TMEM132D: variants seen among roughly 807,000 people sequenced by gnomAD.
TMEM132D encodes the protein transmembrane protein 132D, also known as mature OL transmembrane protein.
In TMEM132D, 21 loss-of-function variants were observed where a neutral mutation model predicts 62.3. The ratio of observed to expected loss-of-function variants is 0.34; its 90% CI spans 0.24 to 0.49. The LOEUF is 0.49. Among genes scored for constraint, TMEM132D ranks in the 20% least tolerant of loss-of-function variants. The pLI, the probability that TMEM132D is intolerant of heterozygous loss-of-function variation, is 0.99. For missense variants in TMEM132D, 1,346 were observed against 1,402.8 expected (o/e 0.96, Z 0.65); for synonymous variants, 621 against 575.6 (o/e 1.08, Z -1.13).
At chr12:129,715,946 G>A (rs529405533) in intron 1 of TMEM132D, among the ~76,000 whole-genome samples, 5 of 152,256 alleles carry the variant, frequency 3.3e-5, no homozygotes, top group East Asian at 1.9e-4. Flanking sequence ...AAGGCCACAC[G>A]CATTGCCACG....
At chr12:129,398,263 C>T (rs1433648260) in intron 3 of TMEM132D, among the ~76,000 whole-genome samples, 1 of 152,186 alleles carries the variant, frequency 6.6e-6, no homozygotes, top group Non-Finnish European at 1.5e-5. Flanking sequence ...CATCATCTTT[C>T]CCTTCCTCTG....
At chr12:129,552,599 A>G (rs753014422) in intron 2 of TMEM132D, among the ~76,000 whole-genome samples, 1 of 149,244 alleles carries the variant, frequency 6.7e-6, no homozygotes, top group African/African-American at 2.5e-5. Context: ...TCTATTTTCT[A>G]TCTATTATTT....
chr12:129,628,577 C>T (rs890720142), intron 2 of TMEM132D, among the ~76,000 whole-genome samples: 1 of 152,196 alleles, frequency 6.6e-6, no homozygotes, highest in African/African-American at 2.4e-5. Flanking sequence ...TTGGGGATTC[C>T]ACAGTAAACC....
chr12:129,758,453 G>A (rs577143673), intron 1 of TMEM132D, among the ~76,000 whole-genome samples: 2 of 152,240 alleles, frequency 1.3e-5, no homozygotes, highest in East Asian at 1.9e-4. Context: ...AATTATTAAT[G>A]TGAACCCTTC....
intron 5 of TMEM132D, among the ~76,000 whole-genome samples, chr12:129,103,175 A>C (rs1181916475): frequency 1.3e-5 from 2 of 152,168 alleles, no homozygotes; most frequent in East Asian, 3.9e-4. Context: ...GGAGGCCTCC[A>C]GGCTGGAGGA....
At chr12:129,157,993 A>G (rs1013881535) in intron 5 of TMEM132D, among the ~76,000 whole-genome samples, 1 of 152,154 alleles carries the variant, frequency 6.6e-6, no homozygotes, top group African/African-American at 2.4e-5. Context: ...ATGAGATGCG[A>G]GATAAAGTAG....
intron 3 of TMEM132D, among the ~76,000 whole-genome samples, chr12:129,362,276 G>A (rs889870395): frequency 3.9e-5 from 6 of 151,908 alleles, no homozygotes; most frequent in African/African-American, 1.4e-4. Flanking sequence ...TATTAATCCT[G>A]GTTAAAGAGA....
chr12:129,335,619 A>G (rs1025108108), intron 4 of TMEM132D, among the ~76,000 whole-genome samples: 1 of 152,172 alleles, frequency 6.6e-6, no homozygotes, highest in Admixed American at 6.6e-5. Context: ...ATGACCAATG[A>G]AAAATGGAAA....
At chr12:129,758,940 T>TA (rs1212238473) in intron 1 of TMEM132D, among the ~76,000 whole-genome samples, 1 of 151,078 alleles carries the variant, frequency 6.6e-6, no homozygotes, top group Non-Finnish European at 1.5e-5. Flanking sequence ...TTCTTTCTTT[T>TA]TTTTTTTTTT....
chr12:129,350,151 T>C (rs1039670962), intron 3 of TMEM132D, among the ~76,000 whole-genome samples: 2 of 152,116 alleles, frequency 1.3e-5, no homozygotes, highest in Non-Finnish European at 2.9e-5. Context: ...CTAATAGACA[T>C]AGATAATTTC....
At chr12:129,617,702 G>T (rs984267012) in intron 2 of TMEM132D, among the ~76,000 whole-genome samples, 18 of 152,064 alleles carry the variant, frequency 1.2e-4, no homozygotes, top group African/African-American at 4.3e-4. Context: ...CCTGCTTCCT[G>T]GTTCATCAAT....
At chr12:129,808,772 G>A (rs1198641058) in intron 1 of TMEM132D, among the ~76,000 whole-genome samples, 1 of 151,372 alleles carries the variant, frequency 6.6e-6, no homozygotes, top group Non-Finnish European at 1.5e-5. Flanking sequence ...AAGGAAGGAA[G>A]CCATAGAGAA....
At chr12:129,808,689 G>C (rs1456936254) in intron 1 of TMEM132D, among the ~76,000 whole-genome samples, 1 of 152,150 alleles carries the variant, frequency 6.6e-6, no homozygotes, top group Admixed American at 6.6e-5. Context: ...CCAAGAAAAA[G>C]TCCAGATATT....
intron 4 of TMEM132D, among the ~76,000 whole-genome samples, chr12:129,221,455 T>C (rs1879343495): frequency 1.3e-5 from 2 of 152,210 alleles, no homozygotes; most frequent in African/African-American, 4.8e-5. Flanking sequence ...ACTCACTCTA[T>C]ACCTAATCAT....
chr12:129,743,822 C>T (rs1359112389), intron 1 of TMEM132D, among the ~76,000 whole-genome samples: 2 of 152,168 alleles, frequency 1.3e-5, no homozygotes, highest in African/African-American at 4.8e-5. Flanking sequence ...ATGATGAAGG[C>T]AGAGCTTGGA....
At chr12:129,772,170 A>AT (rs1402623560) in intron 1 of TMEM132D, among the ~76,000 whole-genome samples, 4 of 152,126 alleles carry the variant, frequency 2.6e-5, no homozygotes, top group African/African-American at 7.2e-5. Context: ...GACCTGTCTC[A>AT]TTTTTTTAAC....
intron 3 of TMEM132D, among the ~76,000 whole-genome samples, chr12:129,379,194 G>T (rs1468737111): frequency 6.6e-6 from 1 of 152,116 alleles, no homozygotes; most frequent in Middle Eastern, 3.2e-3. Flanking sequence ...TGCTGTCAAT[G>T]ATAAACACAT....
intron 5 of TMEM132D, among the ~76,000 whole-genome samples, chr12:129,144,765 C>G (rs1876842331): frequency 6.6e-6 from 1 of 152,044 alleles, no homozygotes; most frequent in Non-Finnish European, 1.5e-5. Flanking sequence ...CCAACTCTAT[C>G]TATCCAGCTC....
At chr12:129,221,632 C>T (rs754996173) in intron 4 of TMEM132D, among the ~76,000 whole-genome samples, 21 of 152,152 alleles carry the variant, frequency 1.4e-4, no homozygotes, top group Non-Finnish European at 2.9e-5. Context: ...GAAGGTCTCA[C>T]ATCCCTTTCT....
Sources: allele counts gnomAD v4.1 joint callset (sites outside exome capture counted in the v4.1 genomes callset), GRCh38; gene constraint gnomAD v4.1.1; transcripts MANE v1.5; gene names NCBI Gene and HGNC (gene_info 2026-07-23, HGNC 2026-07-21).